Variants in PKLR observed in about 807,000 individuals in gnomAD.
The protein encoded by PKLR is pyruvate kinase PKLR.
Under a neutral mutation model 53.6 loss-of-function variants are expected in PKLR, and 38 were observed. The observed-to-expected ratio is 0.71, with a 90% CI of 0.55 to 0.93. The LOEUF (loss-of-function observed/expected upper bound fraction) is 0.93. PKLR is among the 40% of genes least tolerant of loss of function. The probability of loss-of-function intolerance (pLI) is 0.00; values close to 1 mark genes in which losing one functional copy is unlikely to be tolerated. For synonymous variants in PKLR, 328 were observed against 316.2 expected (o/e 1.04, Z -0.39); for missense variants, 702 against 787.3 (o/e 0.89, Z 1.30).
upstream of PKLR, among the ~76,000 whole-genome samples, chr1:155,303,057 A>G (rs1340033901): frequency 6.6e-6 from 1 of 151,924 alleles, no homozygotes. Flanking sequence ...TAAACACCAT[A>G]CCCCGAACCC....
At chr1:155,307,882 G>T in the PKLR span, among the ~76,000 whole-genome samples, 18 of 152,018 alleles carry the variant, frequency 1.2e-4, no homozygotes, top group Non-Finnish European at 1.9e-4. Flanking sequence ...TTGAACCCGG[G>T]AAGCGAGGTT....
chr1:155,302,230 T>C (rs1002534607), upstream of PKLR, among the ~76,000 whole-genome samples: 1 of 142,368 alleles, frequency 7.0e-6, no homozygotes, highest in African/African-American at 2.7e-5. Context: ...CTTTTTTCTT[T>C]TCTTTTCTTT....
In PKLR at chr1:155,295,560, A is replaced by C. The variant is rs1362319947; in HGVS notation, c.384T>G (p.Ala128=). 4 of 1,614,062 alleles carry C rather than the reference A, an allele frequency of 2.5e-6. No homozygotes were observed. The highest frequency in any genetic ancestry group is 3.4e-6 in the Non-Finnish European group (4 of 1,179,994). ...CCTCCCGGACGTTGGCGATGGACTC[A>C]GCATGGTACTGGGGGAGGGAGCGGA... The part of the protein sequence containing the change: ...NFSHGSHEYH[A]ESIANVREAV... The change falls in exon 4 of 11, where the codon GCT becomes GCG. Residue 128 remains alanine (A), a synonymous_variant. Coordinates refer to ENST00000342741, the MANE Select transcript of PKLR (RefSeq NM_000298.6). The surrounding 1 kb of genome is among the most constrained non-coding windows in gnomAD (Gnocchi z 4.3).
At chr1:155,301,656 C>T (rs1356085958), upstream of PKLR, among the ~76,000 whole-genome samples, 5 of 151,272 alleles carry the variant, frequency 3.3e-5, no homozygotes, top group African/African-American at 9.7e-5. Flanking sequence ...TTTTTTTTGG[C>T]CAGTCATATG....
chr1:155,300,870 T>G (rs779813803), intron 1 of PKLR: 2 of 1,609,902 alleles, frequency 1.2e-6, no homozygotes, highest in Admixed American at 1.7e-5. Flanking sequence ...AGCCCCCGAT[T>G]CCAGCCGCAC....
the PKLR span, among the ~76,000 whole-genome samples, chr1:155,306,835 T>C: frequency 6.6e-6 from 1 of 152,174 alleles, no homozygotes; most frequent in African/African-American, 2.4e-5. This position sits in a 1 kb window ranked among gnomAD's most constrained non-coding sequence, Gnocchi z 4.2. Flanking sequence ...GATGTTCAGA[T>C]GTGTTCGGAG....
At chr1:155,303,819 T>C (rs1236200714), upstream of PKLR, among the ~76,000 whole-genome samples, 3 of 151,958 alleles carry the variant, frequency 2.0e-5, no homozygotes, top group Non-Finnish European at 4.4e-5. Flanking sequence ...CAAGATGAGA[T>C]GGTTGAGGAA....
upstream of PKLR, among the ~76,000 whole-genome samples, chr1:155,306,082 C>T (rs970699091): frequency 6.6e-6 from 1 of 152,136 alleles, no homozygotes; most frequent in Non-Finnish European, 1.5e-5. This position sits in a 1 kb window ranked among gnomAD's most constrained non-coding sequence, Gnocchi z 4.2. Context: ...AAGGGACAGA[C>T]ACTTTGACCT....
chr1:155,291,573 G>A (rs1020116023), intron 10 of PKLR, among the ~76,000 whole-genome samples, 183 bp downstream of exon 10: 3 of 152,082 alleles, frequency 2.0e-5, no homozygotes, highest in African/African-American at 7.2e-5. Flanking sequence ...CTGCCTGTGT[G>A]GCTATGCTGA....
chr1:155,306,700 C>T, the PKLR span, among the ~76,000 whole-genome samples: 2 of 152,230 alleles, frequency 1.3e-5, no homozygotes, highest in Non-Finnish European at 2.9e-5. The surrounding 1 kb of genome is among the most constrained non-coding windows in gnomAD (Gnocchi z 4.2). Flanking sequence ...CACACTCACA[C>T]ATGCAGATTT....
Position 155,293,898 on chromosome 1 carries a change from C to T in PKLR, c.1117-308G>A, listed in dbSNP as rs1365917086. ...CTGTAATCCCAGCACTTTGGGAGGC[C>T]GAGGCGAGTAGATCACCTGAGGTCA... is the stretch of plus-strand genomic sequence containing the variant. On this transcript the variant is annotated intron_variant, in intron 7 of 10. Coordinates refer to ENST00000342741, the MANE Select transcript of PKLR (RefSeq NM_000298.6). This position sits in a 1 kb window ranked among gnomAD's most constrained non-coding sequence, Gnocchi z 4.2. Among the ~76,000 whole-genome samples the T allele has an allele frequency of 1.3e-5, 2 of 152,044 alleles. No individual in the cohort carries two copies. The highest frequency in any genetic ancestry group is 1.9e-4 in the East Asian group (1 of 5,184).
chr1:155,301,567 T>C (rs1647993452), upstream of PKLR: 8 of 710,176 alleles, frequency 1.1e-5, no homozygotes, highest in South Asian at 1.4e-4. Flanking sequence ...CCTCATCTCC[T>C]GGCATTTCCT....
At position 155,295,715 on chromosome 1, in the gene PKLR, T is replaced by C. The variant is rs1159724535; in HGVS notation, c.325A>G (p.Lys109Glu). Reference sequence around the variant, plus strand: ...AGTCGCGCAATGTTCATCCCGGCCTTGATCATCTCCTTGAGGCGCTCCACG... The same window carrying C: ...AGTCGCGCAATGTTCATCCCGGCCTCGATCATCTCCTTGAGGCGCTCCACG... Reference protein sequence around the residue: ...RSVERLKEMIKAGMNIARLNF... With the variant: ...RSVERLKEMIEAGMNIARLNF... Residue 109 changes from lysine (K) to glutamate (E), a missense_variant, in exon 3 of 11, where the codon AAG (lysine) becomes GAG (glutamate). Lys to Glu is a moderately conservative substitution (Grantham distance 56). Coordinates refer to ENST00000342741, the MANE Select transcript of PKLR (RefSeq NM_000298.6). This position sits in a 1 kb window ranked among gnomAD's most constrained non-coding sequence, Gnocchi z 4.3. 3.7e-6 allele frequency: 6 copies of C among 1,614,146 alleles called. No homozygotes were observed. The highest frequency in any genetic ancestry group is 1.7e-5 in the Admixed American group (1 of 60,028).
the PKLR span, among the ~76,000 whole-genome samples, chr1:155,307,103 T>C: frequency 1.9e-3 from 283 of 152,246 alleles, no homozygotes; most frequent in Middle Eastern, 3.4e-3. Context: ...TTAGTAGAGA[T>C]GGGGTTTCAC....
At position 155,300,122 on chromosome 1, in the gene PKLR, T is replaced by C. The variant is rs754454017; in HGVS notation, c.259A>G (p.Ser87Gly). The change falls in exon 2 of 11, where the codon AGT becomes GGT. Residue 87 changes from serine to glycine, a missense_variant. Around this residue, in one of 2 missense-constraint regions of PKLR, gnomAD observed 519 missense variants for 537.1 expected, o/e 0.97. Transcript: ENST00000342741. Reference protein sequence around the residue: ...DIDSEPVAARSTSIIATIGPA... With the variant: ...DIDSEPVAARGTSIIATIGPA... ...CCGATGGTGGCAATGATGCTGGTAC[T>C]GCGAGCAGCCACGGGCTCGGAGTCA... The C allele has an allele frequency of 6.2e-7, 1 of 1,613,902 alleles. No individual in the cohort carries two copies. The highest frequency in any genetic ancestry group is 8.5e-7 in the Non-Finnish European group (1 of 1,180,028).
chr1:155,293,071 TG>T lies in PKLR; in HGVS notation c.1436+105del. 1 of 1,152,816 alleles carries T rather than the reference TG, an allele frequency of 8.7e-7. No individual in the cohort carries two copies. Among genetic ancestry groups the T allele is most frequent in the Non-Finnish European group, 1.3e-6 (1 of 761,864 alleles). 71.4% of individuals were successfully genotyped at this position (1,152,816 alleles called of 1,614,324 possible). A position where few individuals can be genotyped will look rare whatever the true frequency, so the allele number is the denominator to read the frequency against. ...TTGCTGCCTCTCCTCTTGTCTCAGG[TG>T]GACACTCTTCACCCCTGGTGACCAG... On this transcript the variant is annotated intron_variant, in intron 9 of 10. Coordinates refer to ENST00000342741, the MANE Select transcript of PKLR (RefSeq NM_000298.6). The surrounding 1 kb of genome is among the most constrained non-coding windows in gnomAD (Gnocchi z 4.2).
At chr1:155,307,489 A>C in the PKLR span, among the ~76,000 whole-genome samples, 1 of 152,226 alleles carries the variant, frequency 6.6e-6, no homozygotes, top group African/African-American at 2.4e-5. Context: ...CAGGTCATAA[A>C]GACCTTGCTG....
At position 155,294,993 on chromosome 1, in the gene PKLR, A is replaced by G; in HGVS notation, c.694+123T>C. The G allele has an allele frequency of 2.5e-6, 3 of 1,178,792 alleles. No homozygotes were observed. The South Asian group carries it at 3.9e-5, about 15-fold the overall frequency. The allele number at this position is 1,178,792 out of a possible 1,614,324, so 73.0% of individuals were successfully genotyped here. ...AGTCTACACGCTGGGGACTCCTGGG[A>G]CGGGCTGGCAAAAACGCGTGGCCAG... On this transcript the variant is annotated intron_variant, in intron 5 of 10. Coordinates refer to ENST00000342741, the MANE Select transcript of PKLR (RefSeq NM_000298.6).
chr1:155,307,239 A>T, the PKLR span, among the ~76,000 whole-genome samples: 1 of 152,144 alleles, frequency 6.6e-6, no homozygotes, highest in Non-Finnish European at 1.5e-5. Context: ...TTTGTTCAAG[A>T]TGCCAAGAAC....
Sources: gnomAD v4.1 joint callset for allele counts (sites outside exome capture counted in the v4.1 genomes callset) on GRCh38, gnomAD v4.1.1 for gene constraint, gnomAD v4.1.1 regional missense constraint, Gnocchi (gnomAD v3.1) non-coding constraint, MANE v1.5 for transcripts, NCBI Gene and HGNC (gene_info 2026-07-23, HGNC 2026-07-21) for gene names.